Variants in PCSK5 observed in about 807,000 individuals in gnomAD.
PCSK5 encodes prohormone convertase 5.
Under a neutral mutation model 233.2 loss-of-function variants are expected in PCSK5, and 129 were observed. The observed-to-expected ratio is 0.55, with a 90% confidence interval of 0.48 to 0.64. PCSK5 has a LOEUF of 0.64. Ranked by LOEUF, PCSK5 falls within the 30% of genes least tolerant of loss-of-function variation. The pLI is 0.00. For missense variants in PCSK5, 2,076 were observed against 2,430.1 expected, an observed-to-expected ratio of 0.85 and a Z score of 3.06; for synonymous variants, 825 against 879.2, an observed-to-expected ratio of 0.94 and a Z score of 1.09.
intron 2 of PCSK5, among the ~76,000 whole-genome samples, chr9:75,951,934 T>C (rs1477248080): frequency 1.3e-5 from 2 of 152,182 alleles, no homozygotes; most frequent in Admixed American, 6.5e-5. Context: ...GACTGTATTT[T>C]AATTCTTTAG....
At chr9:76,160,052 A>ACCTCGTGATCCATCCG (rs1406498839) in intron 12 of PCSK5, among the ~76,000 whole-genome samples, 13 of 151,690 alleles carry the variant, frequency 8.6e-5, no homozygotes, top group Non-Finnish European at 4.4e-5. Flanking sequence ...CGATCTCCTG[A>ACCTCGTGATCCATCCG]CCTCGTGATC....
At chr9:75,906,098 A>C (rs972447818) in intron 1 of PCSK5, among the ~76,000 whole-genome samples, 1 of 152,230 alleles carries the variant, frequency 6.6e-6, no homozygotes, top group Non-Finnish European at 1.5e-5. Context: ...TAATGACATG[A>C]GTAAAATTAT....
chr9:76,332,086 A>C (rs1402412705), intron 33 of PCSK5, among the ~76,000 whole-genome samples: 1 of 152,198 alleles, frequency 6.6e-6, no homozygotes, highest in Non-Finnish European at 1.5e-5. Context: ...GCCGGACTGT[A>C]GTTTCTGTTC....
intron 23 of PCSK5, among the ~76,000 whole-genome samples, 196 bp from the exon 24 acceptor site, chr9:76,240,403 TCTTTGTACCCAATCAAG>T (rs1826392040): frequency 6.6e-6 from 1 of 152,222 alleles, no homozygotes; most frequent in Non-Finnish European, 1.5e-5. Flanking sequence ...AACCTGGTTC[TCTTTGTACCCAATCAAG>T]CTGATTCAAT....
chr9:76,099,433 G>A (rs1030927028), intron 8 of PCSK5, among the ~76,000 whole-genome samples: 8 of 152,158 alleles, frequency 5.3e-5, no homozygotes, highest in South Asian at 2.1e-4. Context: ...TCGCATTGTC[G>A]CCTAAGCTCC....
intron 18 of PCSK5, 150 bp downstream of exon 18, chr9:76,188,825 T>C (rs1271705914): frequency 6.1e-6 from 4 of 658,110 alleles, no homozygotes; most frequent in African/African-American, 3.6e-5. Context: ...TGTATTCTCA[T>C]TGAAAGTCAA....
chr9:76,043,852 G>A (rs73452578), intron 5 of PCSK5, among the ~76,000 whole-genome samples: 27,107 of 152,012 alleles, frequency 0.18, 2,763 homozygotes, highest in Middle Eastern at 0.27. Flanking sequence ...AATTACAGGT[G>A]TGAGCCACTG....
At chr9:75,971,008 T>C (rs142615701) in intron 2 of PCSK5, among the ~76,000 whole-genome samples, 11,898 of 152,172 alleles carry the variant, frequency 0.078, 536 homozygotes, top group Middle Eastern at 0.12. Context: ...GGTGGTTTGC[T>C]GCACCTATCA....
At chr9:76,027,538 A>G (rs752346416) in intron 5 of PCSK5, among the ~76,000 whole-genome samples, 3 of 151,960 alleles carry the variant, frequency 2.0e-5, no homozygotes, top group Non-Finnish European at 4.4e-5. Context: ...CCAACTGAAG[A>G]AGGCATTACC....
chr9:76,184,788 A>G (rs1288624393), intron 17 of PCSK5, 31 bp downstream of exon 17: 1 of 1,304,412 alleles, frequency 7.7e-7, no homozygotes, highest in Admixed American at 1.8e-5. Context: ...ATCAAGTAAC[A>G]CAGCCCAAAG....
intron 3 of PCSK5, among the ~76,000 whole-genome samples, chr9:76,010,750 T>C (rs917326099): frequency 2.6e-5 from 4 of 152,188 alleles, no homozygotes; most frequent in African/African-American, 9.6e-5. Context: ...ACTAATTAGA[T>C]AGAAAAGACA....
intron 33 of PCSK5, 150 bp downstream of exon 33, chr9:76,328,389 A>T (rs1829433058): frequency 1.5e-6 from 1 of 647,490 alleles, no homozygotes; most frequent in East Asian, 2.7e-5. Context: ...AAGATGCAAG[A>T]GTAAGAACTG....
intron 2 of PCSK5, among the ~76,000 whole-genome samples, chr9:75,970,841 C>T (rs1375946575): frequency 6.6e-6 from 1 of 152,072 alleles, no homozygotes; most frequent in Non-Finnish European, 1.5e-5. Context: ...CAGGCTGGTT[C>T]TTGAACTCCT....
chr9:75,949,305 C>CT (rs1481870300), intron 2 of PCSK5, among the ~76,000 whole-genome samples: 4 of 150,372 alleles, frequency 2.7e-5, no homozygotes, highest in Non-Finnish European at 4.4e-5. Context: ...TGAGGCATAA[C>CT]TTTTTTTTTC....
In PCSK5 at chr9:76,281,326, G is replaced by C. The variant is rs567913652; in HGVS notation, c.3143-10907G>C. ...CTTATTAGGGACTAATGCAGCTGGT[G>C]ACTTTAAGTTAAAGCCAGTATTCAC... On this transcript the variant is annotated intron_variant, in intron 24 of 37. Transcript: ENST00000674117. 5.3e-5 allele frequency among the ~76,000 whole-genome samples: 8 copies of C among 152,334 alleles called. No individual in the cohort carries two copies. The South Asian group carries it at 8.3e-4, about 16-fold the overall frequency.
At chr9:75,917,038 A>G (rs1449068388) in intron 1 of PCSK5, among the ~76,000 whole-genome samples, 1 of 151,990 alleles carries the variant, frequency 6.6e-6, no homozygotes, top group Admixed American at 6.6e-5. Context: ...GCATGGTGGC[A>G]CGTGCCTGTA....
chr9:76,092,906 C>A (rs1375392459), intron 7 of PCSK5, among the ~76,000 whole-genome samples: 1 of 151,928 alleles, frequency 6.6e-6, no homozygotes, highest in African/African-American at 2.4e-5. Context: ...AATTAATGTT[C>A]TTGTTTCTTT....
At chr9:76,193,063 G>A (rs1824489927) in intron 20 of PCSK5, among the ~76,000 whole-genome samples, 1 of 150,618 alleles carries the variant, frequency 6.6e-6, no homozygotes, top group Admixed American at 6.6e-5. Context: ...AAAACAATGC[G>A]GTTGACTGAA....
chr9:76,324,393 G>A lies in PCSK5; in HGVS notation c.4339+1105G>A, dbSNP rs189628226. Among the ~76,000 whole-genome samples the A allele has an allele frequency of 7.3e-3, 1,109 of 151,972 alleles. 14 individuals are homozygous for A. Among genetic ancestry groups the A allele is most frequent in the South Asian group, 0.023 (111 of 4,804 alleles). ...TTATAGGTGGCTGCCACCACACCTA[G>A]CTAATTTTTGCATTTTTAGTAGAGA... is the stretch of plus-strand genomic sequence containing the variant. On this transcript the variant is annotated intron_variant, in intron 32 of 37. Transcript: ENST00000674117.
Sources: gnomAD v4.1 joint callset for allele counts (sites outside exome capture counted in the v4.1 genomes callset) on GRCh38, gnomAD v4.1.1 for gene constraint, MANE v1.5 for transcripts, NCBI Gene and HGNC (gene_info 2026-07-23, HGNC 2026-07-21) for gene names.